Variants in NOL11 observed in about 807,000 individuals in gnomAD.
The protein encoded by NOL11 is nucleolar protein 11.
A neutral mutation model predicts 93.0 loss-of-function variants in NOL11; 42 were observed. The ratio of observed to expected loss-of-function variants is 0.45; its 90% CI spans 0.35 to 0.58. NOL11 has a LOEUF of 0.58. Among genes scored for constraint, NOL11 ranks in the 20% least tolerant of loss-of-function variants. The pLI is 0.00. For synonymous variants in NOL11, 296 were observed against 293.7 expected, an observed-to-expected ratio of 1.01 and a Z score of -0.08; for missense variants, 775 against 841.8, an observed-to-expected ratio of 0.92 and a Z score of 0.98.
intron 5 of NOL11, 35 bp downstream of exon 5, chr17:67,722,672 G>A: frequency 1.4e-6 from 2 of 1,479,646 alleles, no homozygotes; most frequent in Non-Finnish European, 1.8e-6. Flanking sequence ...CCCATTTTGT[G>A]AAATTTCTTT....
chr17:67,737,179 A>G (rs917563625), intron 11 of NOL11, 34 bp downstream of exon 11: 4 of 1,320,756 alleles, frequency 3.0e-6, no homozygotes, highest in East Asian at 4.6e-5. Context: ...GAAAAATCAA[A>G]CTCAAGTGTT....
chr17:67,725,919 G>C (rs2055087807), intron 6 of NOL11, among the ~76,000 whole-genome samples: 1 of 152,060 alleles, frequency 6.6e-6, no homozygotes, highest in South Asian at 2.1e-4. Flanking sequence ...ATGTCTAAAA[G>C]AAAATTTTTT....
intron 7 of NOL11, 70 bp downstream of exon 7, chr17:67,726,718 T>C (rs2055098041): frequency 8.3e-7 from 1 of 1,211,654 alleles, no homozygotes; most frequent in Non-Finnish European, 1.1e-6. Flanking sequence ...TAGTCTTCCT[T>C]TTCTTTTTCA....
chr17:67,725,622 T>G (rs1259170151), intron 6 of NOL11, among the ~76,000 whole-genome samples: 1 of 152,220 alleles, frequency 6.6e-6, no homozygotes, highest in African/African-American at 2.4e-5. Context: ...GCTATTGGAA[T>G]GTACTTAATG....
intron 13 of NOL11, 66 bp downstream of exon 13, chr17:67,738,038 C>G: frequency 6.4e-7 from 1 of 1,556,730 alleles, no homozygotes; most frequent in Non-Finnish European, 8.7e-7. Flanking sequence ...ATTTGATTTC[C>G]AAAATTTTGA....
intron 14 of NOL11, chr17:67,738,678 TAAAAAAA>T: frequency 2.8e-6 from 1 of 362,148 alleles, no homozygotes; most frequent in Non-Finnish European, 4.9e-6. Flanking sequence ...ACATCAGATT[TAAAAAAA>T]AAAAAAAGAA....
rs148916865 is a variant in NOL11 at position 67,734,367 on chromosome 17, C to T, written c.858C>T (p.Cys286=). Residue 286 remains cysteine, a synonymous_variant, in exon 8 of 18, where the codon TGC becomes TGT. Transcript: ENST00000253247. ...AATTTATGTCTTATTTTATAGAATG[C>T]CTCTCTGTATGGAACATAAAATTTC... ...LGSPLAASKE[C]LSVWNIKFQT... 32 of 1,574,830 alleles carry T rather than the reference C, an allele frequency of 2.0e-5. No individual in the cohort carries two copies. In the Admixed American group the frequency reaches 3.2e-4, roughly 16 times the overall value.
Position 67,726,647 on chromosome 17 carries a change from G to A in NOL11, c.852G>A (p.Lys284=). The change falls in exon 7 of 18, where the codon AAG becomes AAA. Residue 284 remains lysine (K), a splice_region_variant and synonymous_variant. Coordinates refer to ENST00000253247, the MANE Select transcript of NOL11 (RefSeq NM_015462.5). ...AVLGSPLAAS[K]ECLSVWNIKF... ...TAGGAAGTCCACTAGCAGCTTCTAA[G>A]GGTAACTGACATCCAATTCATTAAG... 1 of 1,579,534 alleles carries A rather than the reference G, an allele frequency of 6.3e-7. No homozygotes were observed. The highest frequency in any genetic ancestry group is 1.2e-5 in the South Asian group (1 of 85,778).
chr17:67,726,775 A>T (rs41523447), intron 7 of NOL11, 127 bp downstream of exon 7: 2 of 676,978 alleles, frequency 3.0e-6, no homozygotes, highest in Non-Finnish European at 2.2e-6. Context: ...AGCATACTCA[A>T]TTTTTTTTGT....
At chr17:67,718,810 G>C (rs552901590) in intron 1 of NOL11, among the ~76,000 whole-genome samples, 2 of 152,358 alleles carry the variant, frequency 1.3e-5, no homozygotes, top group African/African-American at 4.8e-5. Flanking sequence ...TTTGAGAACA[G>C]GTTGCTAACA....
intron 16 of NOL11, among the ~76,000 whole-genome samples, chr17:67,742,280 G>A (rs1449779147): frequency 2.0e-5 from 3 of 152,020 alleles, no homozygotes; most frequent in African/African-American, 2.4e-5. Flanking sequence ...ATTTTAATTT[G>A]CATTTCTTTG....
At chr17:67,735,327 TTTAA>T (rs1204437822) in intron 8 of NOL11, among the ~76,000 whole-genome samples, 4 of 151,736 alleles carry the variant, frequency 2.6e-5, no homozygotes, top group Admixed American at 6.5e-5. Flanking sequence ...CAGCATACAA[TTTAA>T]TTATACTTTA....
chr17:67,723,053 C>T (rs1390294708), intron 5 of NOL11, among the ~76,000 whole-genome samples: 1 of 141,696 alleles, frequency 7.1e-6, no homozygotes, highest in Non-Finnish European at 1.5e-5. Flanking sequence ...GTTCTTGTTG[C>T]CCAGCCTGGA....
At chr17:67,724,512 T>G (rs2055069238) in intron 6 of NOL11, among the ~76,000 whole-genome samples, 1 of 152,070 alleles carries the variant, frequency 6.6e-6, no homozygotes. Context: ...TTTTGTATTT[T>G]TAGTAGAGAC....
intron 6 of NOL11, among the ~76,000 whole-genome samples, chr17:67,725,956 C>T (rs1367344378): frequency 1.3e-5 from 2 of 152,026 alleles, no homozygotes; most frequent in African/African-American, 4.8e-5. Flanking sequence ...GGTTTGTGCA[C>T]CTGTAGTCCC....
At chr17:67,720,128 C>T (rs1194751776) in intron 3 of NOL11, among the ~76,000 whole-genome samples, 166 bp downstream of exon 3, 1 of 152,012 alleles carries the variant, frequency 6.6e-6, no homozygotes, top group Non-Finnish European at 1.5e-5. Context: ...TAACATGTCT[C>T]CATGAGTTAA....
intron 7 of NOL11, among the ~76,000 whole-genome samples, chr17:67,731,268 T>G (rs1423369367): frequency 3.5e-4 from 1 of 2,882 alleles, no homozygotes; most frequent in African/African-American, 7.5e-4. Context: ...TTTTTTTTTT[T>G]TTTTTTTTTT....
chr17:67,725,205 T>C (rs1414584750), intron 6 of NOL11, among the ~76,000 whole-genome samples: 1 of 152,216 alleles, frequency 6.6e-6, no homozygotes. Flanking sequence ...TGCTTGGCAT[T>C]GAATGGCCCC....
chr17:67,727,058 T>C (rs1219915869), intron 7 of NOL11: 1 of 154,002 alleles, frequency 6.5e-6, no homozygotes, highest in African/African-American at 2.4e-5. Context: ...TTGGACTCCG[T>C]GACTTCTGAA....
Sources: gnomAD v4.1 joint callset for allele counts (sites outside exome capture counted in the v4.1 genomes callset) on GRCh38, gnomAD v4.1.1 for gene constraint, MANE v1.5 for transcripts, NCBI Gene and HGNC (gene_info 2026-07-23, HGNC 2026-07-21) for gene names.